QTMAN: variants seen among roughly 807,000 people sequenced by gnomAD.
QTMAN encodes the protein queuosine-tRNA mannosyltransferase.
chr2:144,290,463 A>G, the QTMAN span, among the ~76,000 whole-genome samples: 457 of 152,204 alleles, frequency 3.0e-3, 2 homozygotes, highest in Non-Finnish European at 4.9e-3. Context: ...CCTTATCCCC[A>G]TTGTCTATTT....
chr2:144,298,541 T>C, the QTMAN span, among the ~76,000 whole-genome samples: 1 of 152,080 alleles, frequency 6.6e-6, no homozygotes, highest in Non-Finnish European at 1.5e-5. Flanking sequence ...CAAATAACAA[T>C]CAAAACTCCA....
the QTMAN span, among the ~76,000 whole-genome samples, chr2:144,296,973 GACTT>G: frequency 2.0e-5 from 3 of 152,110 alleles, no homozygotes; most frequent in African/African-American, 7.2e-5. Flanking sequence ...ATTTGGAAAA[GACTT>G]AGCTTAGTTT....
chr2:144,119,898 C>T, the QTMAN span, among the ~76,000 whole-genome samples: 1 of 151,836 alleles, frequency 6.6e-6, no homozygotes, highest in Admixed American at 6.6e-5. Context: ...AAAACTAACA[C>T]CTGCCCTAGA....
At chr2:143,991,788 G>T in the QTMAN span, among the ~76,000 whole-genome samples, 4 of 145,840 alleles carry the variant, frequency 2.7e-5, no homozygotes, top group Non-Finnish European at 4.5e-5. Flanking sequence ...GGAGGTGGGG[G>T]GTCAGCCCCC....
the QTMAN span, among the ~76,000 whole-genome samples, chr2:143,992,501 C>G: frequency 4.7e-5 from 7 of 150,284 alleles, no homozygotes; most frequent in African/African-American, 1.7e-4. Context: ...GCCAAATCCC[C>G]CTCTGTGAGA....
At chr2:143,990,052 G>T in the QTMAN span, among the ~76,000 whole-genome samples, 1 of 152,020 alleles carries the variant, frequency 6.6e-6, no homozygotes, top group Non-Finnish European at 1.5e-5. Flanking sequence ...AGTGTGGGGG[G>T]CTTGCACATG....
chr2:144,291,972 G>A, the QTMAN span, among the ~76,000 whole-genome samples: 92 of 152,224 alleles, frequency 6.0e-4, no homozygotes, highest in Non-Finnish European at 1.1e-3. Context: ...TGAAACATGC[G>A]GGTTCAAATG....
chr2:144,141,763 A>G, the QTMAN span: 1 of 696,178 alleles, frequency 1.4e-6, no homozygotes, highest in Non-Finnish European at 2.4e-6. Context: ...ATAGAACTTA[A>G]TTCTCTAACT....
At chr2:143,945,200 A>G in the QTMAN span, 2 of 152,170 alleles carry the variant, frequency 1.3e-5, no homozygotes, top group African/African-American at 2.4e-5. Context: ...ATTCATATTT[A>G]TATCTTTAGT....
the QTMAN span, among the ~76,000 whole-genome samples, chr2:144,043,297 T>C: frequency 1.3e-5 from 2 of 152,040 alleles, no homozygotes; most frequent in Middle Eastern, 3.4e-3. Flanking sequence ...TATATATGTG[T>C]TGGGAAATTT....
chr2:144,133,163 TA>T, the QTMAN span, among the ~76,000 whole-genome samples: 1 of 43,046 alleles, frequency 2.3e-5, no homozygotes, highest in African/African-American at 1.2e-4. Context: ...TATAATATAA[TA>T]TATATATAAA....
chr2:144,041,003 T>A, the QTMAN span, among the ~76,000 whole-genome samples: 3 of 152,232 alleles, frequency 2.0e-5, no homozygotes, highest in Non-Finnish European at 4.4e-5. Context: ...TCTTCAGAGT[T>A]TGTCAAATAG....
chr2:143,992,886 C>G, the QTMAN span, among the ~76,000 whole-genome samples: 18 of 151,876 alleles, frequency 1.2e-4, no homozygotes, highest in African/African-American at 4.4e-4. Context: ...ATGAAACACA[C>G]GGTAATTATT....
chr2:144,070,225 CATT>C, the QTMAN span, among the ~76,000 whole-genome samples: 1 of 152,068 alleles, frequency 6.6e-6, no homozygotes, highest in Non-Finnish European at 1.5e-5. Flanking sequence ...CTGTTACCAT[CATT>C]ACTTTGCACT....
the QTMAN span, among the ~76,000 whole-genome samples, chr2:143,965,070 T>C: frequency 6.6e-6 from 1 of 152,068 alleles, no homozygotes; most frequent in Non-Finnish European, 1.5e-5. Context: ...CTTTTTTTTT[T>C]TTTAATAATC....
the QTMAN span, among the ~76,000 whole-genome samples, chr2:143,979,868 ACTTCT>A: frequency 4.6e-5 from 7 of 152,156 alleles, no homozygotes; most frequent in South Asian, 8.3e-4. Flanking sequence ...TAACATTCAG[ACTTCT>A]CTTTTCTGGA....
chr2:144,182,058 A>C, the QTMAN span, among the ~76,000 whole-genome samples: 2 of 152,154 alleles, frequency 1.3e-5, no homozygotes, highest in Non-Finnish European at 2.9e-5. Context: ...TGTAAGGGTT[A>C]AGTCATACAT....
chr2:144,123,302 CT>C, the QTMAN span, among the ~76,000 whole-genome samples: 1 of 152,170 alleles, frequency 6.6e-6, no homozygotes, highest in South Asian at 2.1e-4. Flanking sequence ...TAATAGATAA[CT>C]TACACAGACT....
At chr2:144,121,521 G>T in the QTMAN span, among the ~76,000 whole-genome samples, 7 of 152,198 alleles carry the variant, frequency 4.6e-5, no homozygotes, top group Admixed American at 3.9e-4. Flanking sequence ...TTGCTGTCAG[G>T]TGCATCTACC....
Sources: gnomAD v4.1 joint callset for allele counts (sites outside exome capture counted in the v4.1 genomes callset) on GRCh38, gnomAD v4.1.1 for gene constraint, MANE v1.5 for transcripts, NCBI Gene and HGNC (gene_info 2026-07-23, HGNC 2026-07-21) for gene names.